FBN2: variants seen among roughly 807,000 people sequenced by gnomAD.
FBN2 encodes the protein fibrillin 2.
Under a neutral mutation model 355.6 loss-of-function variants are expected in FBN2, and 105 were observed. The ratio of observed to expected loss-of-function variants is 0.30; its 90% confidence interval spans 0.25 to 0.35. The LOEUF (loss-of-function observed/expected upper bound fraction) is 0.35. FBN2 is among the 10% of genes least tolerant of loss of function. The probability of loss-of-function intolerance (pLI) is 1.00; values close to 1 mark genes in which losing one functional copy is unlikely to be tolerated. For missense variants in FBN2, 3,280 were observed against 3,758.7 expected (o/e 0.87, Z 3.33); for synonymous variants, 1,350 against 1,301.2 (o/e 1.04, Z -0.81).
chr5:128,394,176 G>C (rs906258287), intron 9 of FBN2, among the ~76,000 whole-genome samples: 3 of 152,050 alleles, frequency 2.0e-5, no homozygotes, highest in Non-Finnish European at 4.4e-5. Flanking sequence ...ATAAATATTT[G>C]TAAGTATATT....
chr5:128,489,764 G>A (rs951445081), intron 5 of FBN2, among the ~76,000 whole-genome samples: 4 of 152,116 alleles, frequency 2.6e-5, no homozygotes, highest in Non-Finnish European at 4.4e-5. Context: ...GACCTCAGAG[G>A]TTAGATGCTA....
chr5:128,290,412 T>A (rs148150403), intron 50 of FBN2, among the ~76,000 whole-genome samples: 2 of 152,344 alleles, frequency 1.3e-5, no homozygotes, highest in East Asian at 3.9e-4. Context: ...ATGGGACTCC[T>A]GGAGCAACCT....
chr5:128,343,830 T>C (rs1318338650), intron 25 of FBN2, among the ~76,000 whole-genome samples: 2 of 152,252 alleles, frequency 1.3e-5, no homozygotes, highest in East Asian at 1.9e-4. Flanking sequence ...ATCATATTTG[T>C]ATGCTGTTCC....
intron 2 of FBN2, among the ~76,000 whole-genome samples, chr5:128,536,039 C>CAT (rs1402884953): frequency 6.6e-6 from 1 of 152,102 alleles, no homozygotes; most frequent in East Asian, 1.9e-4. Context: ...TGATAATTTG[C>CAT]ATAATAACAT....
intron 8 of FBN2, among the ~76,000 whole-genome samples, chr5:128,402,727 A>G (rs954831662): frequency 1.3e-5 from 2 of 152,212 alleles, no homozygotes; most frequent in African/African-American, 4.8e-5. Context: ...GGTGTTCGGT[A>G]AATAGCAGCC....
Position 128,440,916 on chromosome 5 carries a change from G to A in FBN2, c.952+5565C>T, listed in dbSNP as rs540392076. Among the ~76,000 whole-genome samples the A allele has an allele frequency of 2.0e-5, 3 of 152,134 alleles. No homozygotes were observed. In the South Asian group the frequency reaches 6.2e-4, roughly 32 times the overall value. ...CCCTCATGGGCTAACTTCTTAAAAG[G>A]CTCCATGGAAACCAGCTATTATGAG... On this transcript the variant is annotated intron_variant, in intron 7 of 64. Coordinates refer to ENST00000262464, the MANE Select transcript of FBN2 (RefSeq NM_001999.4).
chr5:128,276,050 T>C lies in FBN2; in HGVS notation c.7582A>G (p.Lys2528Glu), dbSNP rs894902794. The change falls in exon 59 of 65, where the codon AAG becomes GAG. Residue 2528 changes from lysine (K) to glutamate (E), a missense_variant. Coordinates refer to ENST00000262464, the MANE Select transcript of FBN2 (RefSeq NM_001999.4). ...PRGYVLQEDG[K>E]TCKDLDECQT... ...ACTCTTCACTCACCTTTGCATGTCTTTCCATCCTCTTGCAGGACATACCCC... is the reference window on the plus strand; with the variant it reads ...ACTCTTCACTCACCTTTGCATGTCTCTCCATCCTCTTGCAGGACATACCCC... 3 of 1,613,718 alleles carry C rather than the reference T, an allele frequency of 1.9e-6. No homozygotes were observed. Among genetic ancestry groups the C allele is most frequent in the South Asian group, 2.2e-5 (2 of 91,082 alleles).
intron 26 of FBN2, 143 bp downstream of exon 26, chr5:128,338,790 G>C: frequency 1.0e-6 from 1 of 980,820 alleles, no homozygotes; most frequent in South Asian, 1.4e-5. Context: ...TTTCCTGTCT[G>C]ACATTTAAAT....
intron 5 of FBN2, among the ~76,000 whole-genome samples, chr5:128,511,994 C>T (rs1443128738): frequency 2.0e-5 from 3 of 152,164 alleles, no homozygotes; most frequent in Non-Finnish European, 2.9e-5. Context: ...CTAATAGGAA[C>T]ACTGACATTT....
intron 48 of FBN2, among the ~76,000 whole-genome samples, chr5:128,296,851 GA>G (rs1749533917): frequency 6.6e-6 from 1 of 151,468 alleles, no homozygotes. Flanking sequence ...GTTCTGCTCT[GA>G]TTTTAGTTAT....
At chr5:128,523,191 A>C (rs1756481596) in intron 4 of FBN2, among the ~76,000 whole-genome samples, 1 of 152,186 alleles carries the variant, frequency 6.6e-6, no homozygotes, top group African/African-American at 2.4e-5. Flanking sequence ...ATTTCTACAC[A>C]AATGTGTTAG....
chr5:128,324,782 T>A (rs1278547250), intron 34 of FBN2, among the ~76,000 whole-genome samples: 1 of 152,042 alleles, frequency 6.6e-6, no homozygotes, highest in Non-Finnish European at 1.5e-5. Context: ...CATGCCCGGC[T>A]AACTTTTTTT....
At chr5:128,335,076 A>G in intron 30 of FBN2, 94 bp downstream of exon 30, 1 of 1,551,466 alleles carries the variant, frequency 6.4e-7, no homozygotes, top group East Asian at 2.2e-5. Flanking sequence ...TAAAATAACA[A>G]CAGAAAAAGC....
chr5:128,283,911 C>T (rs1273033736), intron 55 of FBN2, among the ~76,000 whole-genome samples: 2 of 152,144 alleles, frequency 1.3e-5, no homozygotes, highest in South Asian at 4.1e-4. Context: ...ATCTTTTATA[C>T]ATATTCAATC....
chr5:128,386,560 A>G (rs1178080175), intron 11 of FBN2, among the ~76,000 whole-genome samples: 1 of 152,078 alleles, frequency 6.6e-6, no homozygotes, highest in Non-Finnish European at 1.5e-5. Flanking sequence ...AATTCTGTAA[A>G]TAATGTTGAT....
At chr5:128,318,644 T>G (rs975226970) in intron 35 of FBN2, among the ~76,000 whole-genome samples, 6 of 152,064 alleles carry the variant, frequency 3.9e-5, no homozygotes, top group Non-Finnish European at 8.8e-5. Context: ...GACACTTTAC[T>G]AGTTTCATGT....
intron 5 of FBN2, among the ~76,000 whole-genome samples, chr5:128,511,668 T>C (rs1008615211): frequency 3.9e-5 from 6 of 152,142 alleles, no homozygotes; most frequent in South Asian, 2.1e-4. Context: ...AGAGCTATTC[T>C]AGAGGAATGG....
Position 128,276,054 on chromosome 5 carries a change from A to G in FBN2, c.7578T>C (p.Asp2526=). Residue 2526 remains aspartate, a synonymous_variant, in exon 59 of 65, where the codon GAT becomes GAC. Transcript: ENST00000262464. ...SCPRGYVLQE[D]GKTCKDLDEC... ...TTCACTCACCTTTGCATGTCTTTCC[A>G]TCCTCTTGCAGGACATACCCCCTCG... 2 of 1,613,814 alleles carry G rather than the reference A, an allele frequency of 1.2e-6. No homozygotes were observed. The highest frequency in any genetic ancestry group is 2.2e-5 in the East Asian group (1 of 44,846).
intron 18 of FBN2, among the ~76,000 whole-genome samples, chr5:128,363,487 G>T (rs137909072): frequency 6.6e-6 from 1 of 152,168 alleles, no homozygotes; most frequent in Non-Finnish European, 1.5e-5. Flanking sequence ...ACTGCATCCA[G>T]CTTGCATCAC....
Sources: gnomAD v4.1 joint callset for allele counts (sites outside exome capture counted in the v4.1 genomes callset) on GRCh38, gnomAD v4.1.1 for gene constraint, MANE v1.5 for transcripts, NCBI Gene and HGNC (gene_info 2026-07-23, HGNC 2026-07-21) for gene names.